ADAMTSL1: variants seen among roughly 807,000 people sequenced by gnomAD.
ADAMTSL1 encodes ADAMTS-like protein 1.
ADAMTSL1 carries 126 observed loss-of-function variants against 201.8 expected under a neutral mutation model. The ratio of observed to expected loss-of-function variants is 0.62; its 90% CI spans 0.54 to 0.72. The LOEUF (loss-of-function observed/expected upper bound fraction) is 0.72, where lower values mean the gene tolerates loss of function less well. Ranked by LOEUF, ADAMTSL1 falls within the 30% of genes least tolerant of loss-of-function variation. The pLI is 0.00. For synonymous variants in ADAMTSL1, 1,121 were observed against 903.4 expected (o/e 1.24, Z -4.32); for missense variants, 2,679 against 2,277.8 (o/e 1.18, Z -3.59).
intron 2 of ADAMTSL1, among the ~76,000 whole-genome samples, chr9:18,322,672 C>T (rs536605113): frequency 6.6e-6 from 1 of 151,834 alleles, no homozygotes; most frequent in Admixed American, 6.6e-5. Flanking sequence ...AAAAGAAAAA[C>T]CGTTAGCAAT....
At chr9:18,098,484 A>G (rs1471761420) in intron 1 of ADAMTSL1, among the ~76,000 whole-genome samples, 2 of 152,180 alleles carry the variant, frequency 1.3e-5, no homozygotes, top group Non-Finnish European at 2.9e-5. Context: ...TTTCAAAGCT[A>G]TTGTAAGTGA....
chr9:18,231,921 G>A (rs934467510), intron 2 of ADAMTSL1, among the ~76,000 whole-genome samples: 1 of 152,156 alleles, frequency 6.6e-6, no homozygotes, highest in Non-Finnish European at 1.5e-5. Context: ...TCTGGTCTAA[G>A]CCAACATCAC....
intron 4 of ADAMTSL1, among the ~76,000 whole-genome samples, chr9:18,606,777 C>A (rs149399642): frequency 4.3e-4 from 65 of 152,282 alleles, no homozygotes; most frequent in African/African-American, 1.5e-3. Context: ...CCCCAGTTTT[C>A]TTATTTATTG....
intron 19 of ADAMTSL1, among the ~76,000 whole-genome samples, chr9:18,786,701 G>C (rs1018056786): frequency 6.6e-6 from 1 of 152,218 alleles, no homozygotes; most frequent in Non-Finnish European, 1.5e-5. Flanking sequence ...CATCTAGGTA[G>C]TTGTTCAAAG....
intron 1 of ADAMTSL1, among the ~76,000 whole-genome samples, chr9:17,970,159 A>G (rs945070875): frequency 6.6e-6 from 1 of 151,938 alleles, no homozygotes; most frequent in East Asian, 1.9e-4. Context: ...ATTCTAGACC[A>G]TCAGTATTTC....
At chr9:18,759,340 G>C (rs912092520) in intron 16 of ADAMTSL1, among the ~76,000 whole-genome samples, 1 of 152,172 alleles carries the variant, frequency 6.6e-6, no homozygotes, top group Non-Finnish European at 1.5e-5. Context: ...AACTATAAAT[G>C]CCTGAGAATT....
chr9:18,688,358 C>T (rs1257757306), intron 13 of ADAMTSL1, among the ~76,000 whole-genome samples: 1 of 151,298 alleles, frequency 6.6e-6, no homozygotes, highest in Non-Finnish European at 1.5e-5. Context: ...GAACTCCTGA[C>T]CTCAGGTGAT....
intron 14 of ADAMTSL1, among the ~76,000 whole-genome samples, chr9:18,710,761 G>T (rs533753210): frequency 6.7e-6 from 1 of 148,804 alleles, no homozygotes; most frequent in Admixed American, 6.8e-5. Context: ...GTAACATTGG[G>T]TTGGTCAATT....
At chr9:17,978,212 T>C (rs960754036) in intron 1 of ADAMTSL1, among the ~76,000 whole-genome samples, 4 of 152,120 alleles carry the variant, frequency 2.6e-5, no homozygotes, top group African/African-American at 9.6e-5. Flanking sequence ...TGAGTCTGTT[T>C]TGTAGGAGGC....
intron 2 of ADAMTSL1, among the ~76,000 whole-genome samples, chr9:18,510,056 G>A (rs565734941): frequency 1.3e-5 from 2 of 152,252 alleles, no homozygotes; most frequent in South Asian, 2.1e-4. Context: ...TTCATATTGA[G>A]TCCAAATAAA....
intron 19 of ADAMTSL1, among the ~76,000 whole-genome samples, chr9:18,781,101 C>T (rs986095285): frequency 3.9e-5 from 6 of 152,122 alleles, no homozygotes; most frequent in African/African-American, 1.4e-4. Context: ...GAGAGTCTAA[C>T]TCCAATGGCT....
chr9:18,215,031 C>G (rs554584286), intron 2 of ADAMTSL1, among the ~76,000 whole-genome samples: 1 of 152,178 alleles, frequency 6.6e-6, no homozygotes, highest in East Asian at 1.9e-4. Context: ...AAAACAACAA[C>G]TAAATTCTTT....
chr9:18,872,296 G>A (rs181016934), intron 23 of ADAMTSL1, among the ~76,000 whole-genome samples: 2 of 152,160 alleles, frequency 1.3e-5, no homozygotes, highest in African/African-American at 4.8e-5. Context: ...AGGGCTGAGG[G>A]AACAAGGGAA....
chr9:18,281,666 G>A (rs541640667), intron 2 of ADAMTSL1, among the ~76,000 whole-genome samples: 3 of 152,298 alleles, frequency 2.0e-5, no homozygotes, highest in East Asian at 3.9e-4. Context: ...CTGGATGAAC[G>A]CCTCAAAGGG....
At chr9:18,119,403 C>G (rs1217914474) in intron 1 of ADAMTSL1, among the ~76,000 whole-genome samples, 2 of 151,982 alleles carry the variant, frequency 1.3e-5, no homozygotes, top group Non-Finnish European at 2.9e-5. Context: ...AGTGATTCTC[C>G]TATTCTCCTG....
At chr9:18,099,355 A>ATTTTTTTTTTTT (rs397893715) in intron 1 of ADAMTSL1, among the ~76,000 whole-genome samples, 2 of 45,562 alleles carry the variant, frequency 4.4e-5, no homozygotes, top group African/African-American at 8.1e-5. Flanking sequence ...ATATATATAT[A>ATTTTTTTTTTTT]TTTTTTTTTT....
At position 18,721,684 on chromosome 9, in the gene ADAMTSL1, G is replaced by C. The variant is rs1467706469; in HGVS notation, c.2006+19G>C. The stretch of plus-strand genomic sequence containing the variant: ...CAGCAAGGTAAGGGATGTGTGGCCT[G>C]CCCTGCTGTCCAGGGGCACGTACAG... On this transcript the variant is annotated intron_variant, in intron 15 of 28. Coordinates refer to ENST00000380548, the MANE Select transcript of ADAMTSL1 (RefSeq NM_001040272.6). The C allele has an allele frequency of 6.2e-7, 1 of 1,612,928 alleles. No homozygotes were observed. The highest frequency in any genetic ancestry group is 8.5e-7 in the Non-Finnish European group (1 of 1,179,342).
intron 1 of ADAMTSL1, among the ~76,000 whole-genome samples, chr9:17,920,224 T>C (rs1213324110): frequency 6.6e-6 from 1 of 152,192 alleles, no homozygotes; most frequent in Non-Finnish European, 1.5e-5. Flanking sequence ...TTTTTCCAAA[T>C]GCAAAGGCAT....
chr9:18,073,521 G>A (rs529716342), intron 1 of ADAMTSL1, among the ~76,000 whole-genome samples: 11 of 152,282 alleles, frequency 7.2e-5, no homozygotes, highest in Non-Finnish European at 1.2e-4. Context: ...GGGGATTGGT[G>A]AAGGCCTTTG....
Sources: allele counts gnomAD v4.1 joint callset (sites outside exome capture counted in the v4.1 genomes callset), GRCh38; gene constraint gnomAD v4.1.1; transcripts MANE v1.5; gene names NCBI Gene and HGNC (gene_info 2026-07-23, HGNC 2026-07-21).